The following SPAG16 variants were observed in gnomAD, a reference collection of about 807,000 sequenced individuals.
The protein encoded by SPAG16 is sperm-associated antigen 16 protein.
In SPAG16, 86 loss-of-function variants were observed where a neutral mutation model predicts 80.4. The observed-to-expected ratio is 1.07, with a 90% CI of 0.90 to 1.28. SPAG16 has a LOEUF of 1.28. Ranked by LOEUF, SPAG16 falls within the 50% of genes most tolerant of loss-of-function variation. SPAG16 has a pLI of 0.00. For missense variants in SPAG16, 870 were observed against 765.3 expected (o/e 1.14, Z -1.61); for synonymous variants, 294 against 265.9 (o/e 1.11, Z -1.03).
chr2:213,515,344 G>A (rs753952642), intron 10 of SPAG16, among the ~76,000 whole-genome samples: 1 of 152,030 alleles, frequency 6.6e-6, no homozygotes, highest in South Asian at 2.1e-4. Flanking sequence ...TTAGATGCGA[G>A]GAAGTCACAT....
At chr2:213,983,772 G>T (rs1229695944) in intron 12 of SPAG16, among the ~76,000 whole-genome samples, 1 of 151,988 alleles carries the variant, frequency 6.6e-6, no homozygotes, top group Non-Finnish European at 1.5e-5. Flanking sequence ...ACAATAGGGG[G>T]TGTTGAAGAA....
chr2:214,015,547 G>A (rs897431854), intron 13 of SPAG16, among the ~76,000 whole-genome samples: 8 of 150,160 alleles, frequency 5.3e-5, no homozygotes, highest in Middle Eastern at 3.4e-3. Flanking sequence ...GCAGTGAGCC[G>A]AAATCATGCC....
intron 9 of SPAG16, among the ~76,000 whole-genome samples, chr2:213,482,901 A>G (rs2073819930): frequency 6.6e-6 from 1 of 152,170 alleles, no homozygotes; most frequent in Non-Finnish European, 1.5e-5. Flanking sequence ...TACATATTTA[A>G]TTCCATGATT....
intron 10 of SPAG16, among the ~76,000 whole-genome samples, chr2:213,838,992 G>A (rs924525007): frequency 4.6e-5 from 7 of 152,248 alleles, no homozygotes; most frequent in South Asian, 2.1e-4. Context: ...CGTGGTTACC[G>A]TTACCGTCAA....
At chr2:213,663,383 CAGTA>C (rs758159867) in intron 10 of SPAG16, among the ~76,000 whole-genome samples, 2 of 151,846 alleles carry the variant, frequency 1.3e-5, no homozygotes, top group East Asian at 3.9e-4. Flanking sequence ...AAAAAATAAA[CAGTA>C]AGCAGTGTTT....
intron 9 of SPAG16, among the ~76,000 whole-genome samples, chr2:213,378,104 G>A (rs1446591528): frequency 6.6e-6 from 1 of 152,060 alleles, no homozygotes; most frequent in East Asian, 1.9e-4. Flanking sequence ...GGAGAAAGAT[G>A]TAGGCTGGGA....
chr2:213,561,447 T>G (rs1165540079), intron 10 of SPAG16, among the ~76,000 whole-genome samples: 1 of 152,154 alleles, frequency 6.6e-6, no homozygotes, highest in Non-Finnish European at 1.5e-5. Context: ...CACCAAGAAA[T>G]AGTAAATGCT....
intron 9 of SPAG16, among the ~76,000 whole-genome samples, chr2:213,383,920 C>T (rs1011309028): frequency 6.6e-6 from 1 of 152,146 alleles, no homozygotes; most frequent in African/African-American, 2.4e-5. Context: ...CAACTGAATG[C>T]ACATTGCTTC....
chr2:214,250,757 T>TATAG (rs1475343777), intron 15 of SPAG16, among the ~76,000 whole-genome samples: 252 of 91,258 alleles, frequency 2.8e-3, no homozygotes, highest in African/African-American at 7.2e-3. Flanking sequence ...TATATATATA[T>TATAG]AGAGAGAGAG....
intron 10 of SPAG16, among the ~76,000 whole-genome samples, chr2:213,801,516 A>G (rs2071396844): frequency 1.3e-5 from 2 of 152,232 alleles, no homozygotes; most frequent in African/African-American, 4.8e-5. Context: ...TCTTTTCAGG[A>G]TTACACAATG....
intron 10 of SPAG16, among the ~76,000 whole-genome samples, chr2:213,722,360 T>A (rs528310989): frequency 6.6e-6 from 1 of 152,346 alleles, no homozygotes; most frequent in South Asian, 2.1e-4. Context: ...TTAAATTGAC[T>A]GTACATTCCT....
intron 9 of SPAG16, among the ~76,000 whole-genome samples, chr2:213,399,834 A>AG (rs1211608997): frequency 6.6e-6 from 1 of 152,104 alleles, no homozygotes; most frequent in African/African-American, 2.4e-5. Context: ...ATGTAATAGA[A>AG]GTTATTTCTT....
intron 9 of SPAG16, among the ~76,000 whole-genome samples, chr2:213,465,991 T>C (rs1042640008): frequency 6.6e-6 from 1 of 152,112 alleles, no homozygotes; most frequent in African/African-American, 2.4e-5. Flanking sequence ...GTGGGCACAA[T>C]CTAATAAGCT....
chr2:214,071,304 G>A (rs2050778873), intron 13 of SPAG16, among the ~76,000 whole-genome samples: 1 of 152,084 alleles, frequency 6.6e-6, no homozygotes, highest in South Asian at 2.1e-4. Flanking sequence ...CAAAACTTCT[G>A]CCCAAATAGT....
In SPAG16 at chr2:214,231,496, A is replaced by G. The variant is rs142270478; in HGVS notation, c.1720+82230A>G. Reference sequence around the variant, plus strand: ...ATACTTATAAGTTTATAAGTATTGTATAACGATACTCATGCATATAAGAAA... The same window carrying G: ...ATACTTATAAGTTTATAAGTATTGTGTAACGATACTCATGCATATAAGAAA... On this transcript the variant is annotated intron_variant, in intron 15 of 15. Transcript: ENST00000331683. 1.7e-3 allele frequency among the ~76,000 whole-genome samples: 262 copies of G among 152,134 alleles called. 2 individuals carry two copies. Among genetic ancestry groups the G allele is most frequent in the African/African-American group, 6.1e-3 (254 of 41,558 alleles).
chr2:213,499,930 A>T (rs1278595636), intron 10 of SPAG16, among the ~76,000 whole-genome samples: 2 of 152,226 alleles, frequency 1.3e-5, no homozygotes, highest in East Asian at 3.9e-4. Flanking sequence ...TAGTATTCCT[A>T]AGACTTTCAC....
intron 10 of SPAG16, among the ~76,000 whole-genome samples, chr2:213,660,972 T>G (rs2063403968): frequency 6.6e-6 from 1 of 152,174 alleles, no homozygotes; most frequent in Non-Finnish European, 1.5e-5. Context: ...ATCGGCCCCC[T>G]GGTCCCACTT....
intron 5 of SPAG16, among the ~76,000 whole-genome samples, chr2:213,319,396 G>C (rs1342768283): frequency 6.6e-6 from 1 of 151,688 alleles, no homozygotes; most frequent in Non-Finnish European, 1.5e-5. Context: ...GTTTTTGCAA[G>C]GTATATAAAT....
intron 13 of SPAG16, among the ~76,000 whole-genome samples, chr2:214,046,148 C>T (rs1029539361): frequency 1.3e-5 from 2 of 151,998 alleles, no homozygotes; most frequent in Non-Finnish European, 1.5e-5. Flanking sequence ...AAGATTGAAC[C>T]ATGAAGAAAT....
Sources: allele counts gnomAD v4.1 joint callset (sites outside exome capture counted in the v4.1 genomes callset), GRCh38; gene constraint gnomAD v4.1.1; transcripts MANE v1.5; gene names NCBI Gene and HGNC (gene_info 2026-07-23, HGNC 2026-07-21).